The following PMS2 variants were observed in gnomAD, a reference collection of about 807,000 sequenced individuals.
PMS2 encodes PMS1 homolog 2, mismatch repair system component, also known as mismatch repair endonuclease PMS2.
PMS2 carries 69 observed loss-of-function variants against 90.0 expected under a neutral mutation model. That is an observed-to-expected ratio of 0.77 (90% CI 0.63 to 0.94). The LOEUF is 0.94. PMS2 is among the 40% of genes least tolerant of loss of function. The pLI is 0.00. For synonymous variants in PMS2, 332 were observed against 375.1 expected (o/e 0.89, Z 1.33); for missense variants, 966 against 1,040.2 (o/e 0.93, Z 0.98).
In PMS2 at chr7:6,002,543, G is replaced by A. The variant is rs1224505288; in HGVS notation, c.447C>T (p.Tyr149=). ...TGACTGTGGTCCCTCTGGGGCGGGG[G>A]TAGGGGGTTTTCTGGATAATTTTCC... ...HNGKIIQKTP[Y]PRPRGTTVSV... The change falls in exon 5 of 15, where the codon TAC becomes TAT. Residue 149 remains tyrosine, a synonymous_variant. Coordinates refer to ENST00000265849, the MANE Select transcript of PMS2 (RefSeq NM_000535.7). 1 of 1,611,580 alleles carries A rather than the reference G, an allele frequency of 6.2e-7. No individual in the cohort carries two copies. Among genetic ancestry groups the A allele is most frequent in the South Asian group, 1.1e-5 (1 of 90,974 alleles).
chr7:5,990,011 AT>A (rs1783563662), intron 9 of PMS2, 56 bp from the exon 10 acceptor site: 2 of 1,176,406 alleles, frequency 1.7e-6, no homozygotes, highest in African/African-American at 3.1e-5. Flanking sequence ...TATTTTATTT[AT>A]TAATTATTAT....
At chr7:5,982,308 C>T (rs1292957927) in intron 12 of PMS2, among the ~76,000 whole-genome samples, 8 of 152,184 alleles carry the variant, frequency 5.3e-5, no homozygotes, top group South Asian at 4.1e-4. Flanking sequence ...CGGGTTCAAG[C>T]GATTCTCCTG....
At chr7:6,003,369 C>T (rs1785328617) in intron 4 of PMS2, 1 of 199,288 alleles carries the variant, frequency 5.0e-6, no homozygotes, top group Admixed American at 5.5e-5. Flanking sequence ...TTAAATAGTG[C>T]TTTGGTGAAA....
In PMS2 at chr7:5,986,736, A is replaced by C. The variant is rs919631440; in HGVS notation, c.2006+23T>G. The C allele has an allele frequency of 5.9e-6, 9 of 1,525,012 alleles. No individual in the cohort carries two copies. The African/African-American group carries it at 1.1e-4, about 19-fold the overall frequency. The allele number at this position is 1,525,012 out of a possible 1,614,324, so 94.5% of individuals were successfully genotyped here. A position where few individuals can be genotyped will look rare whatever the true frequency, so the allele number is the denominator to read the frequency against. Reference sequence around the variant, plus strand: ...ATAAAAATTTTAGATAAAAAGAGAAAAAGTAAAAAATTAAAACTTTACCTT... The same window carrying C: ...ATAAAAATTTTAGATAAAAAGAGAACAAGTAAAAAATTAAAACTTTACCTT... On this transcript the variant is annotated intron_variant, in intron 11 of 14. Transcript: ENST00000265849.
intron 6 of PMS2, among the ~76,000 whole-genome samples, chr7:5,997,866 T>A (rs1248075673): frequency 2.0e-5 from 3 of 152,084 alleles, no homozygotes; most frequent in African/African-American, 4.8e-5. Context: ...AGTGCTGGGA[T>A]TACATGTGTG....
rs62456182 is a variant in PMS2, at chr7:5,999,091, T to C, written c.705+17A>G. 626,818 of 1,611,450 alleles carry C rather than the reference T, an allele frequency of 0.39. 124,796 individuals carry two copies. The highest frequency in any genetic ancestry group is 0.44 in the Middle Eastern group (2,661 of 5,984). Reference sequence around the variant, plus strand: ...ACTAGAGCAATAAGAGGCGTTGAAGTAACCGGCCATCACTACCTGCTTCTG... The same window carrying C: ...ACTAGAGCAATAAGAGGCGTTGAAGCAACCGGCCATCACTACCTGCTTCTG... On this transcript the variant is annotated intron_variant, in intron 6 of 14. Coordinates refer to ENST00000265849, the MANE Select transcript of PMS2 (RefSeq NM_000535.7).
chr7:5,982,062 C>A (rs1782332617), intron 12 of PMS2, among the ~76,000 whole-genome samples: 1 of 151,680 alleles, frequency 6.6e-6, no homozygotes, highest in South Asian at 2.1e-4. Context: ...GTCACCCAGG[C>A]TGGAGTGCAG....
intron 8 of PMS2, 150 bp from the exon 9 acceptor site, chr7:5,992,207 T>C (rs1423828669): frequency 3.8e-5 from 24 of 626,038 alleles, no homozygotes; most frequent in Middle Eastern, 2.6e-4. Context: ...TCTCGCCTTG[T>C]CACAGCCTGG....
chr7:5,998,734 G>A (rs1341435627), intron 6 of PMS2, among the ~76,000 whole-genome samples: 1 of 150,016 alleles, frequency 6.7e-6, no homozygotes, highest in Non-Finnish European at 1.5e-5. Context: ...GCTCACACCT[G>A]TAATCCCAGC....
intron 2 of PMS2, among the ~76,000 whole-genome samples, chr7:6,005,138 C>G (rs533682585): frequency 6.6e-6 from 1 of 152,158 alleles, no homozygotes; most frequent in African/African-American, 2.4e-5. Flanking sequence ...CTCCTGACCT[C>G]AAATGATCAG....
chr7:6,007,083 C>T (rs2128853652), intron 1 of PMS2, among the ~76,000 whole-genome samples: 1 of 121,336 alleles, frequency 8.2e-6, no homozygotes, highest in South Asian at 3.0e-4. Flanking sequence ...CATCAAGTCC[C>T]CTACATTATT....
intron 5 of PMS2, among the ~76,000 whole-genome samples, chr7:6,001,259 T>C (rs1326324888): frequency 4.6e-5 from 7 of 152,204 alleles, no homozygotes; most frequent in Admixed American, 3.3e-4. Flanking sequence ...ATACAGACAG[T>C]TCTATAATCT....
rs1394474494 is a variant in PMS2, at chr7:6,003,690, C to T, written c.353G>A (p.Ser118Asn). 1.3e-6 allele frequency: 2 copies of T among 1,532,654 alleles called. No homozygotes were observed. Among genetic ancestry groups the T allele is most frequent in the Non-Finnish European group, 1.8e-6 (2 of 1,120,732 alleles). 94.9% of individuals were successfully genotyped at this position (1,532,654 alleles called of 1,614,324 possible). ...TGAGTGGATAAAAATATTGTATCAC[C>T]TCAGTGCACAAAGTGAGCTCAGAGC... ...GEALSSLCALSDVTISTCHAS... is the reference protein window; with the variant it reads ...GEALSSLCALNDVTISTCHAS... The change falls in exon 4 of 15, where the codon AGC becomes AAC. Residue 118 changes from serine (S) to asparagine (N), a missense_variant and splice_region_variant. Ser to Asn is a conservative substitution (Grantham distance 46). Coordinates refer to ENST00000265849, the MANE Select transcript of PMS2 (RefSeq NM_000535.7).
chr7:6,003,308 T>TAG (rs1562692340), intron 4 of PMS2: 2 of 94,394 alleles, frequency 2.1e-5, no homozygotes, highest in East Asian at 5.2e-4. Flanking sequence ...AAAAAAAAGA[T>TAG]ATATATATAT....
intron 2 of PMS2, 113 bp downstream of exon 2, chr7:6,005,779 A>C: frequency 6.5e-7 from 1 of 1,534,434 alleles, no homozygotes; most frequent in South Asian, 1.1e-5. Context: ...ACTTAAAAAT[A>C]ATAATTTATT....
chr7:5,978,481 G>A (rs1781956882), intron 13 of PMS2, 115 bp downstream of exon 13: 1 of 1,167,092 alleles, frequency 8.6e-7, no homozygotes, highest in Admixed American at 1.9e-5. Context: ...ATGTTAGCCA[G>A]GCTGGTCTCA....
At chr7:5,991,057 T>A (rs1024397512) in intron 9 of PMS2, among the ~76,000 whole-genome samples, 1 of 152,136 alleles carries the variant, frequency 6.6e-6, no homozygotes, top group African/African-American at 2.4e-5. Context: ...GATTTAATTA[T>A]AAGGAAAGTA....
rs752383050 is a variant in PMS2 at position 5,982,811 on chromosome 7, T to C, written c.2174+13A>G. On this transcript the variant is annotated intron_variant, in intron 12 of 14. Coordinates refer to ENST00000265849, the MANE Select transcript of PMS2 (RefSeq NM_000535.7). ...TGAGGGGGAGTCTGGGAATGAACAC[T>C]AAACACACTCACGCTATGAGCCTCT... The C allele has an allele frequency of 1.9e-6, 3 of 1,610,002 alleles. No homozygotes were observed. The highest frequency in any genetic ancestry group is 2.5e-6 in the Non-Finnish European group (3 of 1,179,152).
intron 5 of PMS2, 127 bp downstream of exon 5, chr7:6,002,326 A>C: frequency 1.4e-6 from 1 of 722,364 alleles, no homozygotes; most frequent in Non-Finnish European, 2.4e-6. Flanking sequence ...TTTAATGAGA[A>C]ATGCAAATAA....
Sources: allele counts gnomAD v4.1 joint callset (sites outside exome capture counted in the v4.1 genomes callset), GRCh38; gene constraint gnomAD v4.1.1; transcripts MANE v1.5; gene names NCBI Gene and HGNC (gene_info 2026-07-23, HGNC 2026-07-21).